Variants in GALNTL6 observed in about 807,000 individuals in gnomAD.
The protein encoded by GALNTL6 is polypeptide N-acetylgalactosaminyltransferase like 6, also known as polypeptide N-acetylgalactosaminyltransferase-like 6.
A neutral mutation model predicts 73.7 loss-of-function variants in GALNTL6; 46 were observed. The ratio of observed to expected loss-of-function variants is 0.62; its 90% CI spans 0.49 to 0.80. GALNTL6 has a LOEUF of 0.80. Ranked by LOEUF, GALNTL6 falls within the 30% of genes least tolerant of loss-of-function variation. The pLI is 0.00. For missense variants in GALNTL6, 604 were observed against 755.0 expected (o/e 0.80, Z 2.34); for synonymous variants, 259 against 263.7 (o/e 0.98, Z 0.17).
At chr4:172,171,674 CAAAA>C in intron 2 of GALNTL6, among the ~76,000 whole-genome samples, 1 of 126,634 alleles carries the variant, frequency 7.9e-6, no homozygotes, top group South Asian at 2.6e-4. Context: ...ATCAAAAATA[CAAAA>C]AAAAAAAAAA....
rs72698917 is a variant in GALNTL6, at chr4:172,007,178, T to C, written c.138+192460T>C. On this transcript the variant is annotated intron_variant, in intron 2 of 12. Transcript: ENST00000506823. ...ACCCCACAGAGAAAAGCTAAGAACA[T>C]GTAATTAATTCATTGATAGAAACCA... Among the ~76,000 whole-genome samples the C allele has an allele frequency of 7.2e-3, 1,094 of 152,210 alleles. 7 individuals are homozygous for C. The highest frequency in any genetic ancestry group is 0.012 in the Admixed American group (180 of 15,288).
At chr4:172,907,830 A>G (rs1029513318) in intron 8 of GALNTL6, among the ~76,000 whole-genome samples, 5 of 152,220 alleles carry the variant, frequency 3.3e-5, no homozygotes, top group African/African-American at 9.6e-5. Flanking sequence ...TGTTCTTAGG[A>G]TAGATCTTAG....
rs145451509 is a variant in GALNTL6, at chr4:172,948,363, G to A, written c.1150-3674G>A. Among the ~76,000 whole-genome samples the A allele has an allele frequency of 7.4e-3, 1,126 of 152,278 alleles. 3 individuals are homozygous for A. The highest frequency in any genetic ancestry group is 0.012 in the Non-Finnish European group (826 of 68,014). ...AATCGATGATTTCACATGATCCTTG[G>A]AATATGTCCATGATCCAACTGCTTG... On this transcript the variant is annotated intron_variant, in intron 9 of 12. Coordinates refer to ENST00000506823, the MANE Select transcript of GALNTL6 (RefSeq NM_001034845.3).
At chr4:172,898,985 T>C (rs1300203756) in intron 8 of GALNTL6, among the ~76,000 whole-genome samples, 2 of 152,214 alleles carry the variant, frequency 1.3e-5, no homozygotes, top group Admixed American at 1.3e-4. Flanking sequence ...TTCAGATTAC[T>C]GGTGCATGCA....
At chr4:172,700,487 T>C (rs574127798) in intron 5 of GALNTL6, among the ~76,000 whole-genome samples, 40 of 152,290 alleles carry the variant, frequency 2.6e-4, no homozygotes, top group Non-Finnish European at 5.4e-4. Context: ...AACACACTGC[T>C]GCCAGCTTTT....
At chr4:172,862,429 G>C (rs1744442321) in intron 7 of GALNTL6, among the ~76,000 whole-genome samples, 1 of 152,134 alleles carries the variant, frequency 6.6e-6, no homozygotes, top group Admixed American at 6.6e-5. Context: ...TTTGCAGCCT[G>C]ACAATGGGAT....
At chr4:172,360,599 C>G (rs1185458776) in intron 5 of GALNTL6, among the ~76,000 whole-genome samples, 3 of 152,084 alleles carry the variant, frequency 2.0e-5, no homozygotes, top group Non-Finnish European at 4.4e-5. Flanking sequence ...TGATGATTGA[C>G]TTCTAAACTT....
At chr4:172,471,266 C>A (rs954305581) in intron 5 of GALNTL6, among the ~76,000 whole-genome samples, 2 of 152,120 alleles carry the variant, frequency 1.3e-5, no homozygotes, top group African/African-American at 4.8e-5. Context: ...GAGCTTCAGT[C>A]CCAATTCCAG....
At chr4:172,338,391 C>T (rs1267769191) in intron 4 of GALNTL6, among the ~76,000 whole-genome samples, 1 of 152,050 alleles carries the variant, frequency 6.6e-6, no homozygotes, top group Non-Finnish European at 1.5e-5. Context: ...GAGATCCTGG[C>T]ACTTCTAATT....
At chr4:172,016,201 A>G (rs1298681591) in intron 2 of GALNTL6, among the ~76,000 whole-genome samples, 1 of 151,950 alleles carries the variant, frequency 6.6e-6, no homozygotes, top group Admixed American at 6.6e-5. Flanking sequence ...GACACCAATT[A>G]TTCTTAGGTT....
Position 172,313,882 on chromosome 4 carries a change from A to G in GALNTL6, c.386+2130A>G, listed in dbSNP as rs199811887. On this transcript the variant is annotated intron_variant, in intron 4 of 12. Coordinates refer to ENST00000506823, the MANE Select transcript of GALNTL6 (RefSeq NM_001034845.3). ...GAAAGTGTTAAGTATACTACCAGGA[A>G]TAAGGTTCACCTTGGTGAGGTCAGT... Among the ~76,000 whole-genome samples the G allele has an allele frequency of 8.3e-4, 126 of 152,342 alleles. 2 individuals carry two copies. In the South Asian group the frequency reaches 0.016, roughly 20 times the overall value.
chr4:171,983,286 G>A (rs2111083336), intron 2 of GALNTL6, among the ~76,000 whole-genome samples: 1 of 152,088 alleles, frequency 6.6e-6, no homozygotes, highest in South Asian at 2.1e-4. Context: ...TCTAAATTCT[G>A]ATAAATAAAA....
intron 2 of GALNTL6, among the ~76,000 whole-genome samples, chr4:171,833,624 C>A (rs1487721873): frequency 1.3e-5 from 2 of 151,498 alleles, no homozygotes; most frequent in East Asian, 1.9e-4. Flanking sequence ...AATTTTATTT[C>A]CACTCTTCTG....
chr4:172,130,418 A>C (rs927203562), intron 2 of GALNTL6, among the ~76,000 whole-genome samples: 2 of 151,994 alleles, frequency 1.3e-5, no homozygotes, highest in African/African-American at 4.8e-5. Flanking sequence ...ATTTTTGTTC[A>C]TACTGGTCTC....
intron 2 of GALNTL6, among the ~76,000 whole-genome samples, chr4:172,108,743 G>C (rs1320698591): frequency 6.6e-6 from 1 of 152,072 alleles, no homozygotes; most frequent in Non-Finnish European, 1.5e-5. Context: ...ATTTGGGGCT[G>C]GGTGCTATGG....
chr4:172,377,906 C>G (rs182961097), intron 5 of GALNTL6, among the ~76,000 whole-genome samples: 21 of 152,086 alleles, frequency 1.4e-4, no homozygotes, highest in African/African-American at 3.1e-4. Context: ...CCAGATCCCC[C>G]CCCCCATGCC....
chr4:172,160,091 C>T (rs571267702), intron 2 of GALNTL6, among the ~76,000 whole-genome samples: 1 of 152,034 alleles, frequency 6.6e-6, no homozygotes, highest in East Asian at 1.9e-4. Flanking sequence ...CAGATGTTCT[C>T]TTCATGGAGA....
intron 5 of GALNTL6, among the ~76,000 whole-genome samples, chr4:172,597,943 A>G (rs1737924474): frequency 6.6e-6 from 1 of 150,900 alleles, no homozygotes; most frequent in African/African-American, 2.4e-5. Context: ...TTAAGGTAAG[A>G]TATTTGGCTC....
chr4:172,945,189 C>A (rs138034562), intron 9 of GALNTL6, among the ~76,000 whole-genome samples: 60 of 152,022 alleles, frequency 3.9e-4, no homozygotes, highest in African/African-American at 1.4e-3. Flanking sequence ...CTGTATGATT[C>A]TATTTATATA....
Sources: gnomAD v4.1 joint callset for allele counts (sites outside exome capture counted in the v4.1 genomes callset) on GRCh38, gnomAD v4.1.1 for gene constraint, MANE v1.5 for transcripts, NCBI Gene and HGNC (gene_info 2026-07-23, HGNC 2026-07-21) for gene names.